The following NBAS variants were observed in gnomAD, a reference collection of about 807,000 sequenced individuals.
NBAS encodes the protein NAG/BC035112 fusion.
A neutral mutation model predicts 302.5 loss-of-function variants in NBAS; 219 were observed. That is an observed-to-expected ratio of 0.72 (90% CI 0.65 to 0.81). The LOEUF is 0.81. NBAS is among the 30% of genes least tolerant of loss of function. The pLI, the probability that NBAS is intolerant of heterozygous loss-of-function variation, is 0.00. For synonymous variants in NBAS, 1,118 were observed against 1,021.6 expected (o/e 1.09, Z -1.80); for missense variants, 2,932 against 2,841.6 (o/e 1.03, Z -0.72).
intron 21 of NBAS, among the ~76,000 whole-genome samples, chr2:15,441,574 G>A (rs527370005): frequency 0.012 from 1,845 of 151,070 alleles, 13 homozygotes; most frequent in East Asian, 0.057. Context: ...AAAGACCATC[G>A]AGACTAGGAA....
At chr2:14,842,523 A>G in the NBAS span, among the ~76,000 whole-genome samples, 1 of 152,054 alleles carries the variant, frequency 6.6e-6, no homozygotes, top group Admixed American at 6.6e-5. Context: ...AAGAATCACC[A>G]GAGACTATTA....
At chr2:15,019,727 G>A in the NBAS span, among the ~76,000 whole-genome samples, 2 of 151,930 alleles carry the variant, frequency 1.3e-5, no homozygotes, top group Non-Finnish European at 2.9e-5. Flanking sequence ...CATGAGGGTG[G>A]AGCCCTCATG....
intron 47 of NBAS, among the ~76,000 whole-genome samples, chr2:15,230,075 G>A (rs1220691600): frequency 1.3e-5 from 2 of 152,124 alleles, no homozygotes; most frequent in African/African-American, 4.8e-5. Context: ...ACTGAGGGAG[G>A]CTTGGTATGT....
chr2:15,245,358 C>G (rs979451178), intron 44 of NBAS, among the ~76,000 whole-genome samples: 3 of 152,190 alleles, frequency 2.0e-5, no homozygotes, highest in Admixed American at 2.0e-4. Flanking sequence ...TTGGAATGTT[C>G]TCCCAGGCAC....
intron 32 of NBAS, among the ~76,000 whole-genome samples, chr2:15,360,033 T>C (rs1366750694): frequency 6.6e-6 from 1 of 152,090 alleles, no homozygotes; most frequent in Non-Finnish European, 1.5e-5. Context: ...TATGGGCAAC[T>C]GGAATGCAAT....
At chr2:14,881,993 G>A in the NBAS span, among the ~76,000 whole-genome samples, 1 of 152,118 alleles carries the variant, frequency 6.6e-6, no homozygotes, top group Non-Finnish European at 1.5e-5. Flanking sequence ...AGAATAATGT[G>A]TAAATGTCCC....
chr2:15,172,807 C>T (rs1437037639), intron 51 of NBAS, among the ~76,000 whole-genome samples: 1 of 152,194 alleles, frequency 6.6e-6, no homozygotes, highest in African/African-American at 2.4e-5. Context: ...CTTTGAATTA[C>T]AGTGAGAGAT....
chr2:15,554,574 A>T (rs1486247778), intron 3 of NBAS, among the ~76,000 whole-genome samples: 1 of 150,036 alleles, frequency 6.7e-6, no homozygotes, highest in Non-Finnish European at 1.5e-5. Context: ...AATTGGGCAC[A>T]GGGTAAAGAG....
chr2:15,551,592 T>A, intron 5 of NBAS, 56 bp from the exon 6 acceptor site: 1 of 1,328,824 alleles, frequency 7.5e-7, no homozygotes, highest in East Asian at 2.4e-5. Context: ...TATAGAACCA[T>A]AAAATACCAG....
Position 15,461,299 on chromosome 2 carries a change from G to T in NBAS, c.2241C>A (p.Tyr747Ter), listed in dbSNP as rs1679496360. The T allele has an allele frequency of 1.2e-6, 2 of 1,613,056 alleles. No homozygotes were observed. Among genetic ancestry groups the T allele is most frequent in the Non-Finnish European group, 8.5e-7 (1 of 1,179,124 alleles). The part of the protein sequence containing the change: ...NVQALEILFT[Y>*]HGSDLLPHRL... ...GATGAGGAAGCAGGTCGGAACCATGGTAAGTAAACAGAATTTCCAGGGCTT... is the reference window on the plus strand; with the variant it reads ...GATGAGGAAGCAGGTCGGAACCATGTTAAGTAAACAGAATTTCCAGGGCTT... The change falls in exon 21 of 52, where the codon TAC becomes TAA. Residue 747 changes from tyrosine (Y) to a stop codon, truncating the protein, a stop_gained. Coordinates refer to ENST00000281513, the MANE Select transcript of NBAS (RefSeq NM_015909.4). LOFTEE classifies it high-confidence loss of function.
the NBAS span, among the ~76,000 whole-genome samples, chr2:15,094,508 G>GA: frequency 0.066 from 9,969 of 152,158 alleles, 533 homozygotes; most frequent in African/African-American, 0.15. Context: ...TATCATGGGG[G>GA]AAAAAATATA....
At chr2:15,524,435 G>C (rs912072729) in intron 9 of NBAS, among the ~76,000 whole-genome samples, 26 of 152,102 alleles carry the variant, frequency 1.7e-4, no homozygotes, top group African/African-American at 6.0e-4. Context: ...TCCAAACTGG[G>C]GTCTGACTGG....
chr2:15,132,957 G>A, the NBAS span, among the ~76,000 whole-genome samples: 1 of 151,778 alleles, frequency 6.6e-6, no homozygotes, highest in Non-Finnish European at 1.5e-5. Flanking sequence ...TATTGTTTGT[G>A]CTATTTTCTA....
chr2:14,950,327 T>C, the NBAS span, among the ~76,000 whole-genome samples: 4 of 152,212 alleles, frequency 2.6e-5, no homozygotes, highest in Non-Finnish European at 5.9e-5. Context: ...ATCCAGGTCA[T>C]TGCAAGTGCT....
At chr2:14,997,782 CCA>C in the NBAS span, among the ~76,000 whole-genome samples, 1 of 152,074 alleles carries the variant, frequency 6.6e-6, no homozygotes. Flanking sequence ...TCCCCCAATC[CCA>C]GAGAGTAGAA....
intron 12 of NBAS, among the ~76,000 whole-genome samples, chr2:15,488,569 A>G (rs1488599461): frequency 6.6e-6 from 1 of 152,160 alleles, no homozygotes; most frequent in African/African-American, 2.4e-5. Flanking sequence ...CAAATCCTTG[A>G]TAATATTAAC....
chr2:15,155,402 T>G, the NBAS span, among the ~76,000 whole-genome samples: 128 of 152,252 alleles, frequency 8.4e-4, no homozygotes, highest in African/African-American at 3.0e-3. Context: ...GGCAATGTGT[T>G]GGGGAAAAGG....
chr2:14,969,380 T>C, the NBAS span, among the ~76,000 whole-genome samples: 4 of 151,928 alleles, frequency 2.6e-5, no homozygotes, highest in Non-Finnish European at 5.9e-5. Context: ...GTTATTATTA[T>C]TATTATTATT....
chr2:14,864,588 A>T, the NBAS span, among the ~76,000 whole-genome samples: 43 of 152,192 alleles, frequency 2.8e-4, no homozygotes, highest in Non-Finnish European at 4.6e-4. Context: ...TGTGGTGAGA[A>T]TTAAAAGGAA....
Sources: allele counts gnomAD v4.1 joint callset (sites outside exome capture counted in the v4.1 genomes callset), GRCh38; gene constraint gnomAD v4.1.1; transcripts MANE v1.5; gene names NCBI Gene and HGNC (gene_info 2026-07-23, HGNC 2026-07-21).